The following LINGO1 variants were observed in gnomAD, a reference collection of about 807,000 sequenced individuals.
LINGO1 encodes leucine rich repeat and Ig domain containing 1.
A neutral mutation model predicts 37.3 loss-of-function variants in LINGO1; 11 were observed. The observed-to-expected ratio is 0.29, with a 90% CI of 0.19 to 0.49. The LOEUF (loss-of-function observed/expected upper bound fraction) is 0.49. Among genes scored for constraint, LINGO1 ranks in the 20% least tolerant of loss-of-function variants. The probability of loss-of-function intolerance (pLI) is 0.99; values close to 1 mark genes in which losing one functional copy is unlikely to be tolerated. For missense variants in LINGO1, 585 were observed against 878.2 expected, an observed-to-expected ratio of 0.67 and a Z score of 4.22; for synonymous variants, 387 against 403.0, an observed-to-expected ratio of 0.96 and a Z score of 0.48.
At chr15:77,659,852 T>TGGGGG (rs2074949704) in intron 3 of LINGO1, among the ~76,000 whole-genome samples, 1 of 2,522 alleles carries the variant, frequency 4.0e-4, no homozygotes, top group African/African-American at 1.5e-3. Context: ...GAGGCTGGGG[T>TGGGGG]GGGGTGGGGT....
rs368614622 is a variant in LINGO1 at position 77,730,541 on chromosome 15, G to A, written c.-195+4451C>T. Reference sequence around the variant, plus strand: ...CCTGCCCCGTACCCGTCTGTGCCGGGCTGCCCCTGCCTCTCTGTCCCTCTA... The same window carrying A: ...CCTGCCCCGTACCCGTCTGTGCCGGACTGCCCCTGCCTCTCTGTCCCTCTA... On this transcript the variant is annotated intron_variant, in intron 2 of 3. Transcript: ENST00000561686. Among the ~76,000 whole-genome samples, 57 of 152,322 alleles carry A rather than the reference G, an allele frequency of 3.7e-4. 1 individual carries two copies. The South Asian group carries it at 0.011, about 30-fold the overall frequency.
chr15:77,757,269 G>A (rs2076429831), intron 1 of LINGO1, among the ~76,000 whole-genome samples: 1 of 152,186 alleles, frequency 6.6e-6, no homozygotes, highest in Non-Finnish European at 1.5e-5. Flanking sequence ...CTGCCGCAGG[G>A]GCCCAGGCTC....
intron 3 of LINGO1, among the ~76,000 whole-genome samples, chr15:77,640,099 G>T (rs760590149): frequency 6.6e-6 from 1 of 152,190 alleles, no homozygotes; most frequent in African/African-American, 2.4e-5. Context: ...CCAGGACTTG[G>T]TTCCTCACTC....
At chr15:77,676,308 C>A (rs1165091861) in intron 3 of LINGO1, among the ~76,000 whole-genome samples, 1 of 152,218 alleles carries the variant, frequency 6.6e-6, no homozygotes. Context: ...GGGGTTTAGC[C>A]CCCCAACTTG....
chr15:77,802,107 T>C (rs565995543), intron 1 of LINGO1, among the ~76,000 whole-genome samples: 24 of 152,064 alleles, frequency 1.6e-4, no homozygotes, highest in African/African-American at 4.1e-4. Flanking sequence ...TTTCTCCCTA[T>C]ATGTACAGAG....
chr15:77,788,904 C>G (rs549833917), upstream of LINGO1, among the ~76,000 whole-genome samples: 1 of 152,172 alleles, frequency 6.6e-6, no homozygotes, highest in African/African-American at 2.4e-5. Flanking sequence ...TGGATCACGA[C>G]AAGTACACAC....
intron 1 of LINGO1, among the ~76,000 whole-genome samples, chr15:77,812,701 G>C (rs554066757): frequency 2.6e-5 from 4 of 152,174 alleles, no homozygotes; most frequent in African/African-American, 7.2e-5. Flanking sequence ...GCTCACCTCC[G>C]TGGATCAATA....
chr15:77,631,038 G>T (rs563792289), intron 1 of LINGO1, among the ~76,000 whole-genome samples: 1 of 152,336 alleles, frequency 6.6e-6, no homozygotes, highest in African/African-American at 2.4e-5. Flanking sequence ...TCTGGGAGCA[G>T]CTGGCCCTCT....
In LINGO1 at chr15:77,664,170, T is replaced by TGTGTGCGC; in HGVS notation, c.-13+12918_-13+12919insGCGCACAC. Among the ~76,000 whole-genome samples, 433 of 130,970 alleles carry TGTGTGCGC rather than the reference T, an allele frequency of 3.3e-3. 2 individuals carry two copies. Among genetic ancestry groups the TGTGTGCGC allele is most frequent in the East Asian group, 0.013 (63 of 4,924 alleles). The allele number at this position is 130,970 out of a possible 152,430, so 85.9% of individuals were successfully genotyped here. On this transcript the variant is annotated intron_variant, in intron 3 of 3. Coordinates refer to the LINGO1 transcript ENST00000559893. ...GTGTGTGTGTGTGTGTGTGTGTGTG[T>TGTGTGCGC]GCGCGCGCGCATGCGTTTGCATTCT... is the stretch of plus-strand genomic sequence containing the variant.
At chr15:77,724,933 T>G (rs2076087602) in intron 2 of LINGO1, among the ~76,000 whole-genome samples, 1 of 152,208 alleles carries the variant, frequency 6.6e-6, no homozygotes, top group Non-Finnish European at 1.5e-5. Flanking sequence ...AGACGGTGTG[T>G]GGACCCGGCC....
intron 1 of LINGO1, among the ~76,000 whole-genome samples, chr15:77,758,827 T>G: frequency 6.7e-6 from 1 of 149,392 alleles, no homozygotes; most frequent in Non-Finnish European, 1.5e-5. Flanking sequence ...ACTGTGGCAA[T>G]GAGAGGATCA....
intron 2 of LINGO1, among the ~76,000 whole-genome samples, chr15:77,689,600 T>TG (rs1264873014): frequency 6.6e-5 from 10 of 152,236 alleles, no homozygotes; most frequent in African/African-American, 2.4e-4. Flanking sequence ...GACCTCCATG[T>TG]GGGGGGTGGG....
intron 1 of LINGO1, among the ~76,000 whole-genome samples, chr15:77,771,984 C>G (rs1003606761): frequency 1.5e-4 from 23 of 152,240 alleles, no homozygotes; most frequent in Admixed American, 1.4e-3. Flanking sequence ...TTGGAGGGAT[C>G]ACTCTCTGAT....
chr15:77,792,792 G>A (rs546638782), intron 2 of LINGO1, among the ~76,000 whole-genome samples: 2 of 152,346 alleles, frequency 1.3e-5, no homozygotes, highest in Admixed American at 1.3e-4. Context: ...GCCATGCTGG[G>A]CACAGAGAAC....
intron 3 of LINGO1, among the ~76,000 whole-genome samples, chr15:77,644,157 T>C (rs1724296031): frequency 6.6e-6 from 1 of 152,222 alleles, no homozygotes; most frequent in African/African-American, 2.4e-5. Flanking sequence ...AGCTGTGTTG[T>C]GTTGTCGAAC....
At chr15:77,804,883 G>A (rs2076947489) in intron 1 of LINGO1, among the ~76,000 whole-genome samples, 1 of 152,192 alleles carries the variant, frequency 6.6e-6, no homozygotes, top group Admixed American at 6.5e-5. Flanking sequence ...GAGTGAGAGG[G>A]TTCATTATGA....
intron 1 of LINGO1, among the ~76,000 whole-genome samples, chr15:77,813,441 G>T (rs1214030184): frequency 6.6e-6 from 1 of 152,166 alleles, no homozygotes; most frequent in Non-Finnish European, 1.5e-5. Flanking sequence ...CGAGGGGTCA[G>T]AACGCCAGCC....
At chr15:77,812,251 C>T (rs2077011751) in intron 1 of LINGO1, among the ~76,000 whole-genome samples, 1 of 152,244 alleles carries the variant, frequency 6.6e-6, no homozygotes, top group Non-Finnish European at 1.5e-5. Flanking sequence ...CAGCCCAGGG[C>T]TGGGGGTCCT....
chr15:77,758,633 C>T (rs2076444238), intron 1 of LINGO1, among the ~76,000 whole-genome samples: 1 of 152,102 alleles, frequency 6.6e-6, no homozygotes, highest in Admixed American at 6.6e-5. Flanking sequence ...GAATGAGATG[C>T]CTGGACTCAA....
Sources: gnomAD v4.1 joint callset for allele counts (sites outside exome capture counted in the v4.1 genomes callset) on GRCh38, gnomAD v4.1.1 for gene constraint, MANE v1.5 for transcripts, NCBI Gene and HGNC (gene_info 2026-07-23, HGNC 2026-07-21) for gene names.